Variants in THTPA observed in about 807,000 individuals in gnomAD.
THTPA encodes the protein thiamine-triphosphatase.
In THTPA, 16 loss-of-function variants were observed where a neutral mutation model predicts 16.5. The ratio of observed to expected loss-of-function variants is 0.97; its 90% CI spans 0.66 to 1.47. The LOEUF is 1.47. THTPA is among the 40% of genes most tolerant of loss of function. The pLI is 0.00. For missense variants in THTPA, 281 were observed against 280.9 expected, an observed-to-expected ratio of 1.00 and a Z score of 0.00; for synonymous variants, 110 against 115.5, an observed-to-expected ratio of 0.95 and a Z score of 0.30.
chr14:23,558,226 CTA>C (rs1294694634), intron 1 of THTPA, among the ~76,000 whole-genome samples: 2 of 152,248 alleles, frequency 1.3e-5, no homozygotes, highest in Admixed American at 6.5e-5. Context: ...GGCGAGAATT[CTA>C]TGTGAATCCC....
chr14:23,550,506 G>A, the THTPA span, among the ~76,000 whole-genome samples: 1 of 152,224 alleles, frequency 6.6e-6, no homozygotes, highest in Non-Finnish European at 1.5e-5. Context: ...AGTGGAGACA[G>A]TGACATACAG....
At chr14:23,547,591 C>T in the THTPA span, among the ~76,000 whole-genome samples, 5 of 152,124 alleles carry the variant, frequency 3.3e-5, no homozygotes, top group Non-Finnish European at 4.4e-5. Flanking sequence ...TGAGAGTTCC[C>T]CTGGCTGCCT....
At chr14:23,534,905 C>T in the THTPA span, 3 of 1,535,990 alleles carry the variant, frequency 2.0e-6, no homozygotes, top group South Asian at 1.2e-5. This position sits in a 1 kb window ranked among gnomAD's most constrained non-coding sequence, Gnocchi z 4.5. Flanking sequence ...CAGGGGAAGC[C>T]CTTTGGTAAC....
the THTPA span, among the ~76,000 whole-genome samples, chr14:23,540,837 C>T: frequency 7.2e-5 from 11 of 152,196 alleles, no homozygotes; most frequent in East Asian, 3.8e-4. Context: ...TCCTGTCTCC[C>T]GTCACAGAGT....
chr14:23,554,568 T>G (rs983801304), upstream of THTPA, among the ~76,000 whole-genome samples: 1 of 140,028 alleles, frequency 7.1e-6, no homozygotes, highest in Non-Finnish European at 1.5e-5. Context: ...TTTTTTTTTT[T>G]GTAGAAACAG....
the THTPA span, among the ~76,000 whole-genome samples, chr14:23,546,667 G>A: frequency 6.6e-6 from 1 of 152,172 alleles, no homozygotes; most frequent in African/African-American, 2.4e-5. This position sits in a 1 kb window ranked among gnomAD's most constrained non-coding sequence, Gnocchi z 4.7. Context: ...GAGAGGCAAG[G>A]GGCTCTGGGA....
At chr14:23,526,508 G>T in the THTPA span, 3 of 1,536,036 alleles carry the variant, frequency 2.0e-6, no homozygotes, top group East Asian at 2.4e-5. Context: ...CTCAGCCATG[G>T]TGGGCGGAGG....
the THTPA span, chr14:23,532,329 C>G: frequency 2.2e-6 from 1 of 463,272 alleles, no homozygotes; most frequent in Non-Finnish European, 3.6e-6. Context: ...CCCTCCAGGG[C>G]CAAACACCAG....
chr14:23,514,753 G>A, the THTPA span, among the ~76,000 whole-genome samples: 1 of 152,120 alleles, frequency 6.6e-6, no homozygotes, highest in East Asian at 1.9e-4. Context: ...GATGCCACTT[G>A]GCAGCAGTCA....
chr14:23,545,370 G>T, the THTPA span, among the ~76,000 whole-genome samples: 1 of 152,156 alleles, frequency 6.6e-6, no homozygotes, highest in Admixed American at 6.5e-5. Flanking sequence ...TCATTTCCCT[G>T]CGGAGGGGTC....
the THTPA span, among the ~76,000 whole-genome samples, chr14:23,549,486 A>G: frequency 6.6e-6 from 1 of 152,204 alleles, no homozygotes. Flanking sequence ...TTCAGGCTAA[A>G]TGAACTTGGC....
chr14:23,553,951 C>T (rs1007128915), upstream of THTPA, among the ~76,000 whole-genome samples: 3 of 144,434 alleles, frequency 2.1e-5, no homozygotes, highest in African/African-American at 7.8e-5. Flanking sequence ...GTAGTCCCAA[C>T]TACTCAGGAG....
the THTPA span, chr14:23,548,335 T>G: frequency 2.6e-5 from 4 of 152,170 alleles, no homozygotes; most frequent in East Asian, 7.7e-4. Flanking sequence ...TGTTCTGAGC[T>G]GGGAAGAGCT....
chr14:23,527,620 T>A, the THTPA span: 1 of 1,536,628 alleles, frequency 6.5e-7, no homozygotes. Flanking sequence ...CAGCAGCTTC[T>A]CAACGCACTC....
chr14:23,523,200 C>T, the THTPA span: 1 of 1,421,202 alleles, frequency 7.0e-7, no homozygotes, highest in Non-Finnish European at 9.2e-7. This position sits in a 1 kb window ranked among gnomAD's most constrained non-coding sequence, Gnocchi z 4.1. Context: ...CCTCCCTACT[C>T]ACCTGAATTG....
At chr14:23,529,417 C>T in the THTPA span, 2 of 372,762 alleles carry the variant, frequency 5.4e-6, no homozygotes, top group Non-Finnish European at 5.0e-6. Context: ...CCCCTCCTTC[C>T]AGCATGTACC....
At chr14:23,523,236 G>C in the THTPA span, 1 of 1,432,780 alleles carries the variant, frequency 7.0e-7, no homozygotes. The surrounding 1 kb of genome is among the most constrained non-coding windows in gnomAD (Gnocchi z 4.1). Flanking sequence ...CCCAGCGGGG[G>C]CTGAGCCAGA....
At chr14:23,522,931 G>A in the THTPA span, 5 of 1,442,984 alleles carry the variant, frequency 3.5e-6, no homozygotes, top group Non-Finnish European at 4.5e-6. Flanking sequence ...GGCCTGAGGA[G>A]GCTGCCGGGC....
upstream of THTPA, among the ~76,000 whole-genome samples, chr14:23,552,294 T>C (rs1228684711): frequency 6.6e-6 from 1 of 150,840 alleles, no homozygotes; most frequent in Non-Finnish European, 1.5e-5. Context: ...CTGAATTTTT[T>C]TTTTTTTTTT....
Sources: allele counts gnomAD v4.1 joint callset (sites outside exome capture counted in the v4.1 genomes callset), GRCh38; gene constraint gnomAD v4.1.1; non-coding constraint Gnocchi (gnomAD v3.1); transcripts MANE v1.5; gene names NCBI Gene and HGNC (gene_info 2026-07-23, HGNC 2026-07-21).